ADGRV1: variants seen among roughly 807,000 people sequenced by gnomAD.
ADGRV1 encodes the protein G-protein coupled receptor 98.
A neutral mutation model predicts 596.2 loss-of-function variants in ADGRV1; 359 were observed. That is an observed-to-expected ratio of 0.60 (90% CI 0.55 to 0.66). The LOEUF (loss-of-function observed/expected upper bound fraction) is 0.66. ADGRV1 is among the 30% of genes least tolerant of loss of function. The probability of loss-of-function intolerance (pLI) is 0.00; values close to 1 mark genes in which losing one functional copy is unlikely to be tolerated. For synonymous variants in ADGRV1, 2,681 were observed against 2,679.2 expected (o/e 1.00, Z -0.02); for missense variants, 7,274 against 7,575.6 (o/e 0.96, Z 1.48).
rs191387542 is a variant in ADGRV1 at position 90,862,651 on chromosome 5, A to T, written c.17756-1106A>T. Among the ~76,000 whole-genome samples, 57 of 152,316 alleles carry T rather than the reference A, an allele frequency of 3.7e-4. No individual in the cohort carries two copies. The East Asian group carries it at 7.3e-3, about 20-fold the overall frequency. On this transcript the variant is annotated intron_variant, in intron 82 of 89. Coordinates refer to ENST00000405460, the MANE Select transcript of ADGRV1 (RefSeq NM_032119.4). ...ACACCTGTTCCAGAACACCCCATGG[A>T]AGCCTTCCCAAAAAACGGATTGCTC...
chr5:90,981,839 G>T (rs894466641), intron 84 of ADGRV1, among the ~76,000 whole-genome samples: 1 of 152,250 alleles, frequency 6.6e-6, no homozygotes, highest in African/African-American at 2.4e-5. Flanking sequence ...TGCCATGTTT[G>T]TGATTGTTTT....
intron 10 of ADGRV1, among the ~76,000 whole-genome samples, chr5:90,637,079 T>G (rs929301310): frequency 6.6e-6 from 1 of 152,182 alleles, no homozygotes; most frequent in African/African-American, 2.4e-5. Flanking sequence ...ATACTTTACT[T>G]AAACAATTCC....
At chr5:90,672,357 T>G (rs1772602186) in intron 21 of ADGRV1, among the ~76,000 whole-genome samples, 189 bp from the exon 22 acceptor site, 2 of 152,194 alleles carry the variant, frequency 1.3e-5, no homozygotes, top group African/African-American at 4.8e-5. Context: ...TGGGAGAAAA[T>G]GAATGATTGT....
chr5:90,770,870 A>G (rs565535093), intron 59 of ADGRV1, among the ~76,000 whole-genome samples: 58 of 152,130 alleles, frequency 3.8e-4, no homozygotes, highest in Non-Finnish European at 7.2e-4. Flanking sequence ...ATCCAAACAT[A>G]TGTGTCTTAT....
At chr5:90,637,620 T>G in intron 10 of ADGRV1, 105 bp from the exon 11 acceptor site, 1 of 705,818 alleles carries the variant, frequency 1.4e-6, no homozygotes, top group Non-Finnish European at 2.2e-6. Context: ...AGAATACATA[T>G]GTTCACACAG....
In ADGRV1 at chr5:90,815,621, A is replaced by G. The variant is rs1305855609; in HGVS notation, c.16081A>G (p.Ser5361Gly). 1 of 1,523,070 alleles carries G rather than the reference A, an allele frequency of 6.6e-7. No homozygotes were observed. Among genetic ancestry groups the G allele is most frequent in the East Asian group, 2.4e-5 (1 of 42,198 alleles). 94.3% of individuals were successfully genotyped at this position (1,523,070 alleles called of 1,614,324 possible). A position where few individuals can be genotyped will look rare whatever the true frequency, so the allele number is the denominator to read the frequency against. The change falls in exon 75 of 90, where the codon AGT becomes GGT. Residue 5361 changes from serine to glycine, a missense_variant and splice_region_variant. Transcript: ENST00000405460. Reference protein sequence around the residue: ...AAFAMVIITGSDLHNGIIGFS... With the variant: ...AAFAMVIITGGDLHNGIIGFS... ...TAGCCCTCCATTCTTTTTTTCAGGGAGTGACCTTCACAATGGCATCATAGG... is the reference window on the plus strand; with the variant it reads ...TAGCCCTCCATTCTTTTTTTCAGGGGGTGACCTTCACAATGGCATCATAGG...
Position 90,721,532 on chromosome 5 carries a change from A to AAATAAAAT in ADGRV1, c.9748+475_9748+476insTAAAATAA, listed in dbSNP as rs1561595001. Among the ~76,000 whole-genome samples, 45 of 6,564 alleles carry AAATAAAAT rather than the reference A, an allele frequency of 6.9e-3. 2 individuals are homozygous for AAATAAAAT. In the African/African-American group the frequency reaches 0.081, roughly 12 times the overall value. 4.3% of individuals were successfully genotyped at this position (6,564 alleles called of 152,430 possible). ...AATAAAATAAAATAAAATAAAAATA[A>AAATAAAAT]AAATAAAATAAAATAAAATAAAATA... On this transcript the variant is annotated intron_variant, in intron 45 of 89. Coordinates refer to ENST00000405460, the MANE Select transcript of ADGRV1 (RefSeq NM_032119.4).
chr5:90,804,350 C>T (rs1361845080), intron 71 of ADGRV1, among the ~76,000 whole-genome samples: 3 of 151,778 alleles, frequency 2.0e-5, no homozygotes, highest in Non-Finnish European at 4.4e-5. Context: ...TGGAGTGAAC[C>T]GAGATCGTAC....
chr5:90,667,134 T>C (rs1389845708), intron 21 of ADGRV1, among the ~76,000 whole-genome samples: 5 of 150,408 alleles, frequency 3.3e-5, no homozygotes, highest in Non-Finnish European at 1.5e-5. Context: ...GTTCTCTGTA[T>C]TTCCTGAATC....
chr5:90,992,304 T>C (rs772924763), intron 85 of ADGRV1, among the ~76,000 whole-genome samples: 6 of 152,236 alleles, frequency 3.9e-5, no homozygotes, highest in Non-Finnish European at 5.9e-5. Flanking sequence ...CGATTAATTA[T>C]ACAATTTGTT....
intron 1 of ADGRV1, among the ~76,000 whole-genome samples, chr5:90,582,883 A>G (rs1205390337): frequency 1.3e-5 from 2 of 152,212 alleles, no homozygotes; most frequent in Non-Finnish European, 2.9e-5. Context: ...TTTAAAATGA[A>G]TTCACTTCGT....
chr5:90,839,512 C>G (rs972752365), intron 77 of ADGRV1, among the ~76,000 whole-genome samples: 1 of 152,168 alleles, frequency 6.6e-6, no homozygotes, highest in African/African-American at 2.4e-5. Context: ...CCACACCCAG[C>G]CTCCACCTCT....
At chr5:91,128,384 A>G (rs982214997) in intron 87 of ADGRV1, among the ~76,000 whole-genome samples, 9 of 152,092 alleles carry the variant, frequency 5.9e-5, no homozygotes, top group African/African-American at 2.2e-4. Context: ...TAGCCCCATC[A>G]TAAGTCTAGA....
At chr5:90,959,935 C>G (rs555367439) in intron 83 of ADGRV1, among the ~76,000 whole-genome samples, 3 of 151,968 alleles carry the variant, frequency 2.0e-5, no homozygotes, top group South Asian at 2.1e-4. Flanking sequence ...GTCAGGAGAT[C>G]AAGACCATCC....
intron 85 of ADGRV1, among the ~76,000 whole-genome samples, chr5:91,041,963 G>A (rs960800381): frequency 5.9e-5 from 9 of 152,136 alleles, no homozygotes; most frequent in Admixed American, 1.3e-4. Flanking sequence ...AGGGGATGTG[G>A]CTAAAATTAG....
At chr5:90,992,493 G>A (rs1781053089) in intron 85 of ADGRV1, among the ~76,000 whole-genome samples, 1 of 152,174 alleles carries the variant, frequency 6.6e-6, no homozygotes, top group Non-Finnish European at 1.5e-5. Context: ...TGGAACCTAG[G>A]TGTAAAAAGA....
chr5:90,685,599 TAAATAAA>T (rs1745506253), intron 28 of ADGRV1, among the ~76,000 whole-genome samples, 174 bp from the exon 29 acceptor site: 1 of 29,152 alleles, frequency 3.4e-5, no homozygotes, highest in Non-Finnish European at 5.9e-5. Flanking sequence ...TCCATCTCTA[TAAATAAA>T]TAAATAAATA....
At position 90,810,895 on chromosome 5, in the gene ADGRV1, C is replaced by G; in HGVS notation, c.15635C>G (p.Ala5212Gly). 6.2e-7 allele frequency: 1 copy of G among 1,614,002 alleles called. No homozygotes were observed. The highest frequency in any genetic ancestry group is 1.3e-5 in the African/African-American group (1 of 75,026). The change falls in exon 74 of 90, where the codon GCC becomes GGC. Residue 5212 changes from alanine (A) to glycine (G), a missense_variant. By Grantham distance (60) the Ala-to-Gly change is moderately conservative. Around this residue, in one of 5 missense-constraint regions of ADGRV1, gnomAD observed 1,874 missense variants for 1,970.2 expected, o/e 0.95. Transcript: ENST00000405460. Reference protein sequence around the residue: ...SEKPDVATVTANVSIHGTFSL... With the variant: ...SEKPDVATVTGNVSIHGTFSL... Reference sequence around the variant, plus strand: ...AAGCCTGATGTGGCCACTGTAACTGCCAATGTTTCCATTCATGGAACATTC... The same window carrying G: ...AAGCCTGATGTGGCCACTGTAACTGGCAATGTTTCCATTCATGGAACATTC...
chr5:90,660,060 C>G (rs1454051864), intron 21 of ADGRV1, among the ~76,000 whole-genome samples: 1 of 151,528 alleles, frequency 6.6e-6, no homozygotes, highest in Non-Finnish European at 1.5e-5. Flanking sequence ...GAAAAAGAAA[C>G]AGACAAATTG....
Sources: allele counts gnomAD v4.1 joint callset (sites outside exome capture counted in the v4.1 genomes callset), GRCh38; gene constraint gnomAD v4.1.1; regional missense constraint gnomAD v4.1.1; transcripts MANE v1.5; gene names NCBI Gene and HGNC (gene_info 2026-07-23, HGNC 2026-07-21).